Variants in AK8 observed in about 807,000 individuals in gnomAD.
The protein encoded by AK8 is adenylate kinase 8.
Under a neutral mutation model 54.6 loss-of-function variants are expected in AK8, and 44 were observed. The ratio of observed to expected loss-of-function variants is 0.81; its 90% CI spans 0.63 to 1.04. The LOEUF (loss-of-function observed/expected upper bound fraction) is 1.04, where lower values mean the gene tolerates loss of function less well. Among genes scored for constraint, AK8 ranks in the 50% least tolerant of loss-of-function variants. AK8 has a pLI of 0.00. For missense variants in AK8, 555 were observed against 613.6 expected (o/e 0.90, Z 1.01); for synonymous variants, 239 against 245.6 (o/e 0.97, Z 0.25).
At chr9:132,760,091 C>T (rs746816323) in intron 11 of AK8, among the ~76,000 whole-genome samples, 1 of 152,198 alleles carries the variant, frequency 6.6e-6, no homozygotes, top group African/African-American at 2.4e-5. Flanking sequence ...TCTTACATGC[C>T]TTTTAATAAA....
In AK8 at chr9:132,823,354, G is replaced by A; in HGVS notation, c.758-18C>T. On this transcript the variant is annotated intron_variant, in intron 8 of 12. Transcript: ENST00000298545. ...GGTCAGAGCTGGAAAGAGAGGATAT[G>A]AGGATAATAAACCCAGGTCCTAGAG... 5 of 1,613,524 alleles carry A rather than the reference G, an allele frequency of 3.1e-6. No homozygotes were observed. Among genetic ancestry groups the A allele is most frequent in the Non-Finnish European group, 4.2e-6 (5 of 1,179,692 alleles).
chr9:132,874,097 T>C (rs1418183316), intron 2 of AK8, among the ~76,000 whole-genome samples: 2 of 152,286 alleles, frequency 1.3e-5, no homozygotes, highest in East Asian at 1.9e-4. Context: ...AACAAGGGAA[T>C]GTCTAGTGAA....
chr9:132,752,941 C>T (rs948769818), intron 11 of AK8, among the ~76,000 whole-genome samples: 2 of 152,180 alleles, frequency 1.3e-5, no homozygotes, highest in Admixed American at 1.3e-4. Context: ...ATTTGTCTAA[C>T]GTCGCCTCCT....
chr9:132,735,752 A>G lies in AK8; in HGVS notation c.1122-8218T>C, dbSNP rs545579435. ...ACCGAAAGCAGGGACTTGAACAGAT[A>G]TTTGTACACCAGTGTTCTTAGCAGC... On this transcript the variant is annotated intron_variant, in intron 11 of 12. Coordinates refer to ENST00000298545, the MANE Select transcript of AK8 (RefSeq NM_152572.3). Among the ~76,000 whole-genome samples, 4 of 152,368 alleles carry G rather than the reference A, an allele frequency of 2.6e-5. No homozygotes were observed. The South Asian group carries it at 8.3e-4, about 32-fold the overall frequency.
rs148764112 is a variant in AK8, at chr9:132,725,738, C to G, written c.1390G>C (p.Glu464Gln). The change falls in exon 13 of 13, where the codon GAA (glutamate) becomes CAA (glutamine). Residue 464 changes from glutamate to glutamine, a missense_variant. Coordinates refer to ENST00000298545, the MANE Select transcript of AK8 (RefSeq NM_152572.3). ...NGDQDPYTVF[E>Q]YIESGIINPL... ...TTAATGATCCCACTCTCGATGTATT[C>G]GAAGACTGTGTATGGGTCCTGGTCC... 115 of 1,590,438 alleles carry G rather than the reference C, an allele frequency of 7.2e-5. 1 individual carries two copies. In the African/African-American group the frequency reaches 1.5e-3, roughly 20 times the overall value.
chr9:132,785,098 G>T (rs1233682064), intron 11 of AK8, among the ~76,000 whole-genome samples: 1 of 151,256 alleles, frequency 6.6e-6, no homozygotes, highest in Non-Finnish European at 1.5e-5. Context: ...GTACATGTGG[G>T]ATACTCTTTT....
intron 11 of AK8, among the ~76,000 whole-genome samples, chr9:132,739,546 T>C (rs551260087): frequency 1.3e-5 from 2 of 150,976 alleles, no homozygotes; most frequent in African/African-American, 4.9e-5. Context: ...ACAACATATA[T>C]GATTTTTGTA....
intron 10 of AK8, among the ~76,000 whole-genome samples, chr9:132,810,169 C>T (rs1046167312): frequency 2.0e-5 from 3 of 152,130 alleles, no homozygotes; most frequent in Admixed American, 6.5e-5. Flanking sequence ...TTATTGCTTC[C>T]GTTAGGGAGA....
At chr9:132,804,982 G>T (rs893063994) in intron 10 of AK8, among the ~76,000 whole-genome samples, 2 of 152,126 alleles carry the variant, frequency 1.3e-5, no homozygotes, top group African/African-American at 4.8e-5. Context: ...AGGGAAAGAG[G>T]CTTCAAGCTG....
chr9:132,783,936 C>T (rs888744641), intron 11 of AK8, among the ~76,000 whole-genome samples: 3 of 152,058 alleles, frequency 2.0e-5, no homozygotes, highest in Non-Finnish European at 2.9e-5. Context: ...GCAGAAAATC[C>T]GAATTATGAA....
At chr9:132,777,073 C>A (rs1271819535) in intron 11 of AK8, among the ~76,000 whole-genome samples, 3 of 152,146 alleles carry the variant, frequency 2.0e-5, no homozygotes, top group African/African-American at 7.2e-5. Context: ...GGATAAGGAA[C>A]TGCCTTTCTC....
chr9:132,766,065 A>C (rs747371508), intron 11 of AK8, among the ~76,000 whole-genome samples: 40 of 152,276 alleles, frequency 2.6e-4, no homozygotes, highest in Non-Finnish European at 5.1e-4. Flanking sequence ...GTGGAAAAAG[A>C]AATCAAGAAA....
At position 132,863,651 on chromosome 9, in the gene AK8, G is replaced by C; in HGVS notation, c.333+14C>G. The C allele has an allele frequency of 6.3e-7, 1 of 1,591,148 alleles. No individual in the cohort carries two copies. Among genetic ancestry groups the C allele is most frequent in the Non-Finnish European group, 8.6e-7 (1 of 1,160,468 alleles). On this transcript the variant is annotated intron_variant, in intron 4 of 12. Transcript: ENST00000298545. ...CTGCTGTGTGCCTACCCCTGTCCCC[G>C]GGGCCAGTCCTACCTTCCTTTGCAG... is the stretch of plus-strand genomic sequence containing the variant.
chr9:132,733,689 C>T (rs1836969883), intron 11 of AK8, among the ~76,000 whole-genome samples: 1 of 152,230 alleles, frequency 6.6e-6, no homozygotes, highest in Non-Finnish European at 1.5e-5. Context: ...GCAGGGGCAG[C>T]CCAGGCCACG....
At chr9:132,833,323 C>T (rs1197604287) in intron 5 of AK8, among the ~76,000 whole-genome samples, 2 of 152,210 alleles carry the variant, frequency 1.3e-5, no homozygotes, top group Non-Finnish European at 2.9e-5. Context: ...TCTGGCAAAG[C>T]AAGAAGTCAT....
intron 5 of AK8, among the ~76,000 whole-genome samples, chr9:132,848,115 CAAAAA>C (rs796764891): frequency 6.3e-4 from 33 of 52,554 alleles, no homozygotes; most frequent in African/African-American, 2.2e-3. Context: ...CACCCTGTTT[CAAAAA>C]AAAAAAAAAA....
At chr9:132,793,363 G>C (rs1334107240) in intron 10 of AK8, among the ~76,000 whole-genome samples, 1 of 152,192 alleles carries the variant, frequency 6.6e-6, no homozygotes, top group East Asian at 1.9e-4. Flanking sequence ...ATTTTGGGAT[G>C]ACACATTCAG....
At chr9:132,755,397 C>T (rs938588929) in intron 11 of AK8, among the ~76,000 whole-genome samples, 1 of 152,136 alleles carries the variant, frequency 6.6e-6, no homozygotes, top group Admixed American at 6.5e-5. Flanking sequence ...CTGATTGCAC[C>T]GGCTCTAAGG....
At position 132,826,845 on chromosome 9, in the gene AK8, T is replaced by C; in HGVS notation, c.757+9A>G. ...TCTGTCCAGGGTGGGGCTGCCTGCTTGTGTTTACCCTGGTAGAAGACGTCC... is the reference window on the plus strand; with the variant it reads ...TCTGTCCAGGGTGGGGCTGCCTGCTCGTGTTTACCCTGGTAGAAGACGTCC... On this transcript the variant is annotated intron_variant, in intron 8 of 12. Transcript: ENST00000298545. The surrounding 1 kb of genome is among the most constrained non-coding windows in gnomAD (Gnocchi z 4.5). 1.9e-6 allele frequency: 3 copies of C among 1,614,096 alleles called. No homozygotes were observed. Among genetic ancestry groups the C allele is most frequent in the Non-Finnish European group, 2.5e-6 (3 of 1,179,930 alleles).
Sources: allele counts gnomAD v4.1 joint callset (sites outside exome capture counted in the v4.1 genomes callset), GRCh38; gene constraint gnomAD v4.1.1; non-coding constraint Gnocchi (gnomAD v3.1); transcripts MANE v1.5; gene names NCBI Gene and HGNC (gene_info 2026-07-23, HGNC 2026-07-21).